DERL2: variants seen among roughly 807,000 people sequenced by gnomAD.
DERL2 encodes the protein derlin-2.
DERL2 carries 13 observed loss-of-function variants against 32.0 expected under a neutral mutation model. The ratio of observed to expected loss-of-function variants is 0.41; its 90% confidence interval spans 0.26 to 0.65. The LOEUF (loss-of-function observed/expected upper bound fraction) is 0.65. DERL2 is among the 30% of genes least tolerant of loss of function. The probability of loss-of-function intolerance (pLI) is 0.35; values close to 1 mark genes in which losing one functional copy is unlikely to be tolerated. For missense variants in DERL2, 208 were observed against 296.3 expected (o/e 0.70, Z 2.19); for synonymous variants, 111 against 104.7 (o/e 1.06, Z -0.37).
At chr17:5,486,198 C>G (rs755366412), upstream of DERL2, 14 of 1,242,298 alleles carry the variant, frequency 1.1e-5, no homozygotes, top group African/African-American at 1.4e-4. Context: ...CCCACCCACC[C>G]CATTTCCCCT....
At chr17:5,478,040 T>C (rs1567610736) in intron 6 of DERL2, 1 of 152,136 alleles carries the variant, frequency 6.6e-6, no homozygotes, top group Non-Finnish European at 1.5e-5. Flanking sequence ...GTATATCTTG[T>C]TGTGCCAGAA....
chr17:5,486,197 C>T (rs1006418797), upstream of DERL2: 6 of 1,231,132 alleles, frequency 4.9e-6, no homozygotes, highest in African/African-American at 8.1e-5. Flanking sequence ...CCCCACCCAC[C>T]CCATTTCCCC....
At chr17:5,476,516 T>TTA (rs1905388699) in intron 6 of DERL2, among the ~76,000 whole-genome samples, 1 of 152,076 alleles carries the variant, frequency 6.6e-6, no homozygotes, top group Non-Finnish European at 1.5e-5. Context: ...GTGTGGTGGC[T>TTA]CATGCCTGTA....
intron 3 of DERL2, 80 bp downstream of exon 3, chr17:5,482,725 CAAGT>C: frequency 1.3e-6 from 1 of 777,566 alleles, no homozygotes; most frequent in South Asian, 1.6e-5. Flanking sequence ...GTACCAAAAA[CAAGT>C]AACAGGATGA....
At chr17:5,485,552 A>T (rs1320502795) in intron 1 of DERL2, among the ~76,000 whole-genome samples, 1 of 152,248 alleles carries the variant, frequency 6.6e-6, no homozygotes, top group South Asian at 2.1e-4. Flanking sequence ...GCACCACCTG[A>T]AACAGCTGTA....
chr17:5,480,532 T>G lies in DERL2; in HGVS notation c.378A>C (p.Ile126=), dbSNP rs750094857. ...TTCGGCTCCACACATAGACGAGCATTATTGTAAAGGCCTGGCCCAAGAAAA... is the reference window on the plus strand; with the variant it reads ...TTCGGCTCCACACATAGACGAGCATGATTGTAAAGGCCTGGCCCAAGAAAA... ...SLVFLGQAFT[I]MLVYVWSRRN... Residue 126 remains isoleucine (I), a synonymous_variant, in exon 5 of 7, where the codon ATA becomes ATC. Transcript: ENST00000158771. The G allele has an allele frequency of 6.3e-7, 1 of 1,593,924 alleles. No homozygotes were observed. The highest frequency in any genetic ancestry group is 8.5e-7 in the Non-Finnish European group (1 of 1,174,032).
rs74545989 is a variant in DERL2 at position 5,483,970 on chromosome 17, T to C, written c.160-1088A>G. Reference sequence around the variant, plus strand: ...ACAATTCAGTTCTACATATTAATTATCCAGATTTTAGAGTCCTCATCCTAG... The same window carrying C: ...ACAATTCAGTTCTACATATTAATTACCCAGATTTTAGAGTCCTCATCCTAG... On this transcript the variant is annotated intron_variant, in intron 2 of 6. Transcript: ENST00000158771. Among the ~76,000 whole-genome samples the C allele has an allele frequency of 8.4e-3, 1,276 of 152,314 alleles. 17 individuals are homozygous for C. The highest frequency in any genetic ancestry group is 0.029 in the African/African-American group (1,202 of 41,554).
At position 5,473,801 on chromosome 17, in the gene DERL2, T is replaced by G. The variant is rs1905229658; in HGVS notation, c.*883A>C. ...ACCCCATCTGTATTTAAAAAAAAATTTTTAATTAAAACTTTTTTAAAAATA... is the reference window on the plus strand; with the variant it reads ...ACCCCATCTGTATTTAAAAAAAAATGTTTAATTAAAACTTTTTTAAAAATA... On this transcript the variant is annotated 3_prime_UTR_variant, in exon 7 of 7. Transcript: ENST00000158771. The G allele has an allele frequency of 6.6e-6, 1 of 151,766 alleles. No homozygotes were observed. The highest frequency in any genetic ancestry group is 1.9e-4 in the East Asian group (1 of 5,190). The allele number at this position is 151,766 out of a possible 1,614,324, so 9.4% of individuals were successfully genotyped here.
At chr17:5,486,495 T>G, upstream of DERL2, 1 of 217,448 alleles carries the variant, frequency 4.6e-6, no homozygotes, top group Non-Finnish European at 9.2e-6. Flanking sequence ...CTGTCATAAT[T>G]GAGGTGTCCA....
rs1276680364 is a variant in DERL2 at position 5,472,565 on chromosome 17, TG to T, written c.*2118del. The T allele has an allele frequency of 6.6e-6, 1 of 152,216 alleles. No homozygotes were observed. Among genetic ancestry groups the T allele is most frequent in the Non-Finnish European group, 1.5e-5 (1 of 68,048 alleles). 9.4% of individuals were successfully genotyped at this position (152,216 alleles called of 1,614,324 possible). A position where few individuals can be genotyped will look rare whatever the true frequency, so the allele number is the denominator to read the frequency against. On this transcript the variant is annotated 3_prime_UTR_variant, in exon 7 of 7. Transcript: ENST00000158771. ...ATAAAATCGGAGAAATCAAAAACCC[TG>T]TAACTGCCTGCCTTTAGGCTGTATA...
chr17:5,475,927 T>C (rs989207051), intron 6 of DERL2, among the ~76,000 whole-genome samples: 3 of 152,138 alleles, frequency 2.0e-5, no homozygotes, highest in Non-Finnish European at 4.4e-5. Context: ...GGTGGGGAGT[T>C]GTTTAATGAG....
chr17:5,474,556 A>G lies in DERL2; in HGVS notation c.*128T>C, dbSNP rs1905268936. ...TGGATTAGTCAGTGTACCATTTCAT[A>G]AAGTGCTTCTGGAGTTAAAATCTGC... On this transcript the variant is annotated 3_prime_UTR_variant, in exon 7 of 7. Transcript: ENST00000158771. The surrounding 1 kb of genome is among the most constrained non-coding windows in gnomAD (Gnocchi z 4.3). 1 of 677,344 alleles carries G rather than the reference A, an allele frequency of 1.5e-6. No homozygotes were observed. The highest frequency in any genetic ancestry group is 2.5e-6 in the Non-Finnish European group (1 of 395,220). 42.0% of individuals were successfully genotyped at this position (677,344 alleles called of 1,614,324 possible).
chr17:5,476,406 T>C (rs1905381345), intron 6 of DERL2, among the ~76,000 whole-genome samples: 1 of 152,208 alleles, frequency 6.6e-6, no homozygotes, highest in Admixed American at 6.5e-5. Context: ...AAGGGCTGAA[T>C]ATGCAATTCA....
chr17:5,474,599 C>A lies in DERL2; in HGVS notation c.*85G>T. 1.9e-6 allele frequency: 2 copies of A among 1,042,474 alleles called. No individual in the cohort carries two copies. The highest frequency in any genetic ancestry group is 2.8e-6 in the Non-Finnish European group (2 of 706,060). The allele number at this position is 1,042,474 out of a possible 1,614,324, so 64.6% of individuals were successfully genotyped here. Reference sequence around the variant, plus strand: ...AAATCTGCCAAGCTGTCAAAAGTGTCCACACTTTTGCAACAAAGGATAAAA... The same window carrying A: ...AAATCTGCCAAGCTGTCAAAAGTGTACACACTTTTGCAACAAAGGATAAAA... On this transcript the variant is annotated 3_prime_UTR_variant, in exon 7 of 7. Coordinates refer to ENST00000158771, the MANE Select transcript of DERL2 (RefSeq NM_016041.5). The surrounding 1 kb of genome is among the most constrained non-coding windows in gnomAD (Gnocchi z 4.3).
intron 6 of DERL2, among the ~76,000 whole-genome samples, chr17:5,477,365 T>C (rs1431069788): frequency 2.6e-5 from 4 of 152,206 alleles, no homozygotes; most frequent in South Asian, 4.1e-4. Context: ...GGTACAATGA[T>C]TGACAGGGAA....
chr17:5,477,682 A>G (rs1597371576), intron 6 of DERL2, among the ~76,000 whole-genome samples: 1 of 152,220 alleles, frequency 6.6e-6, no homozygotes, highest in Non-Finnish European at 1.5e-5. Flanking sequence ...CTGATTTCCT[A>G]TAAGTTTGTT....
intron 6 of DERL2, among the ~76,000 whole-genome samples, chr17:5,478,151 G>A (rs1456440750): frequency 1.3e-5 from 2 of 152,140 alleles, no homozygotes; most frequent in African/African-American, 4.8e-5. Context: ...ATCACCTGAG[G>A]ACTGGAGTTC....
rs1233858616 is a variant in DERL2 at position 5,471,386 on chromosome 17, G to A, written c.*3298C>T. 6 of 152,228 alleles carry A rather than the reference G, an allele frequency of 3.9e-5. No individual in the cohort carries two copies. Among genetic ancestry groups the A allele is most frequent in the Non-Finnish European group, 5.9e-5 (4 of 68,072 alleles). 9.4% of individuals were successfully genotyped at this position (152,228 alleles called of 1,614,324 possible). A position where few individuals can be genotyped will look rare whatever the true frequency, so the allele number is the denominator to read the frequency against. On this transcript the variant is annotated 3_prime_UTR_variant, in exon 7 of 7. Coordinates refer to ENST00000158771, the MANE Select transcript of DERL2 (RefSeq NM_016041.5). ...GCTTACATTCTCATGAGGGAGACAA[G>A]ACTAATATACATGTACCAGCTAGGA... is the stretch of plus-strand genomic sequence containing the variant.
intron 2 of DERL2, among the ~76,000 whole-genome samples, chr17:5,483,675 A>T (rs1025726753): frequency 2.6e-5 from 4 of 152,240 alleles, no homozygotes; most frequent in Middle Eastern, 3.2e-3. Context: ...AATACTAGTT[A>T]TTCAGCTAAA....
Sources: allele counts gnomAD v4.1 joint callset (sites outside exome capture counted in the v4.1 genomes callset), GRCh38; gene constraint gnomAD v4.1.1; non-coding constraint Gnocchi (gnomAD v3.1); transcripts MANE v1.5; gene names NCBI Gene and HGNC (gene_info 2026-07-23, HGNC 2026-07-21).